Variants in SH3BP4 observed in about 807,000 individuals in gnomAD.
SH3BP4 encodes SH3 domain binding protein 4.
SH3BP4 carries 33 observed loss-of-function variants against 65.5 expected under a neutral mutation model. The observed-to-expected ratio is 0.50, with a 90% CI of 0.38 to 0.67. The LOEUF (loss-of-function observed/expected upper bound fraction) is 0.67. Ranked by LOEUF, SH3BP4 falls within the 30% of genes least tolerant of loss-of-function variation. The probability of loss-of-function intolerance (pLI) is 0.00; values close to 1 mark genes in which losing one functional copy is unlikely to be tolerated. For missense variants in SH3BP4, 1,134 were observed against 1,261.4 expected (o/e 0.90, Z 1.53); for synonymous variants, 552 against 545.5 (o/e 1.01, Z -0.17).
intron 2 of SH3BP4, chr2:234,995,767 AGCAGCC>A (rs1482466964): frequency 6.6e-6 from 1 of 152,402 alleles, no homozygotes; most frequent in African/African-American, 2.4e-5. Flanking sequence ...CCCCCACCCC[AGCAGCC>A]GCGGGACAGA....
At position 234,967,003 on chromosome 2, in the gene SH3BP4, T is replaced by C. The variant is rs1358297894; in HGVS notation, c.-207+14833T>C. 2.6e-5 allele frequency among the ~76,000 whole-genome samples: 4 copies of C among 152,204 alleles called. No homozygotes were observed. The highest frequency in any genetic ancestry group is 9.7e-5 in the African/African-American group (4 of 41,444). ...CATAACACATATATTGTGCTTATAG[T>C]AATAATAGTAATAGAATAGGGCTGC... On this transcript the variant is annotated intron_variant, in intron 1 of 5. Transcript: ENST00000392011. The surrounding 1 kb of genome is among the most constrained non-coding windows in gnomAD (Gnocchi z 4.6).
intron 1 of SH3BP4, among the ~76,000 whole-genome samples, chr2:234,979,199 TG>T (rs1693272253): frequency 6.6e-6 from 1 of 152,198 alleles, no homozygotes; most frequent in Non-Finnish European, 1.5e-5. Flanking sequence ...TGAACACTTG[TG>T]TAGCCACTAC....
Position 235,041,667 on chromosome 2 carries a change from C to T in SH3BP4, c.898C>T (p.Leu300=). Residue 300 remains leucine (L), a synonymous_variant, in exon 4 of 6, where the codon CTG becomes TTG. Coordinates refer to ENST00000392011, the MANE Select transcript of SH3BP4 (RefSeq NM_014521.3). The surrounding 1 kb of genome is among the most constrained non-coding windows in gnomAD (Gnocchi z 6.0). The stretch of plus-strand genomic sequence containing the variant: ...GAAGCTGGCCCGGTCTTGCCACGAC[C>T]TGGACTTGCTTGGCCAAAGCCCTGG... ...HRKLARSCHD[L]DLLGQSPGWG... 2 of 1,613,682 alleles carry T rather than the reference C, an allele frequency of 1.2e-6. No homozygotes were observed. The highest frequency in any genetic ancestry group is 1.7e-6 in the Non-Finnish European group (2 of 1,179,830).
In SH3BP4 at chr2:234,974,350, C is replaced by G. The variant is rs190545690; in HGVS notation, c.-206-20953C>G. Among the ~76,000 whole-genome samples, 58 of 151,716 alleles carry G rather than the reference C, an allele frequency of 3.8e-4. No homozygotes were observed. Among genetic ancestry groups the G allele is most frequent in the African/African-American group, 1.4e-3 (56 of 41,308 alleles). On this transcript the variant is annotated intron_variant, in intron 1 of 5. Transcript: ENST00000392011. This position sits in a 1 kb window ranked among gnomAD's most constrained non-coding sequence, Gnocchi z 4.6. ...ATTGCACTCCAGCCTGGGCAAAGAG[C>G]GAAACTCTGTCTAAAAAAAAATAAA...
chr2:234,981,941 GT>G (rs1199952174), intron 1 of SH3BP4, among the ~76,000 whole-genome samples: 1 of 152,128 alleles, frequency 6.6e-6, no homozygotes, highest in African/African-American at 2.4e-5. Flanking sequence ...CCATTTTCCC[GT>G]CCCCGCCTCC....
intron 2 of SH3BP4, among the ~76,000 whole-genome samples, chr2:235,015,070 A>G (rs1439208186): frequency 1.3e-5 from 2 of 152,218 alleles, no homozygotes; most frequent in Non-Finnish European, 2.9e-5. Flanking sequence ...GAATATTGCT[A>G]AACCTTCACT....
At chr2:234,962,872 C>G (rs1173369059) in intron 1 of SH3BP4, among the ~76,000 whole-genome samples, 1 of 151,922 alleles carries the variant, frequency 6.6e-6, no homozygotes, top group Non-Finnish European at 1.5e-5. Context: ...ATTACAGGCA[C>G]TTGCCTGTAA....
intron 1 of SH3BP4, among the ~76,000 whole-genome samples, chr2:234,975,309 A>G (rs951640261): frequency 7.2e-5 from 11 of 152,114 alleles, no homozygotes; most frequent in Admixed American, 5.9e-4. Flanking sequence ...TGTTCTCCCT[A>G]TCACTCGTGG....
At chr2:234,970,044 T>TACTCACACACACTCATACACAC (rs1692946590) in intron 1 of SH3BP4, among the ~76,000 whole-genome samples, 1 of 143,292 alleles carries the variant, frequency 7.0e-6, no homozygotes, top group Non-Finnish European at 1.5e-5. Flanking sequence ...CAAATACACT[T>TACTCACACACACTCATACACAC]ACTCACACAC....
At chr2:235,047,419 AAC>A (rs1180088056) in intron 4 of SH3BP4, among the ~76,000 whole-genome samples, 1 of 152,218 alleles carries the variant, frequency 6.6e-6, no homozygotes, top group Non-Finnish European at 1.5e-5. Context: ...ACTGGCCAGA[AAC>A]ACTGCGTGGT....
chr2:234,959,374 CAG>C (rs35989295), intron 1 of SH3BP4, among the ~76,000 whole-genome samples: 3 of 150,704 alleles, frequency 2.0e-5, no homozygotes, highest in African/African-American at 4.9e-5. Context: ...AAAGAGCTGG[CAG>C]AGAGAGAGAG....
At chr2:235,047,352 C>T (rs1016616747) in intron 4 of SH3BP4, among the ~76,000 whole-genome samples, 2 of 152,158 alleles carry the variant, frequency 1.3e-5, no homozygotes, top group African/African-American at 4.8e-5. Flanking sequence ...TTTCAGCCCC[C>T]TGATGCGTCA....
chr2:234,989,854 C>G (rs986124531), intron 1 of SH3BP4, among the ~76,000 whole-genome samples: 1 of 152,170 alleles, frequency 6.6e-6, no homozygotes, highest in East Asian at 1.9e-4. Context: ...TGTAGTTTGC[C>G]TCTGGGTTGG....
At chr2:235,051,331 A>G (rs1696045973) in intron 4 of SH3BP4, among the ~76,000 whole-genome samples, 1 of 152,056 alleles carries the variant, frequency 6.6e-6, no homozygotes, top group Non-Finnish European at 1.5e-5. Context: ...GTTTCTTTAA[A>G]CCAGAAGTGT....
At position 235,034,887 on chromosome 2, in the gene SH3BP4, G is replaced by A. The variant is rs111873801; in HGVS notation, c.-116G>A. 886 of 793,656 alleles carry A rather than the reference G, an allele frequency of 1.1e-3. 3 individuals are homozygous for A. In the African/African-American group the frequency reaches 0.013, roughly 12 times the overall value. 49.2% of individuals were successfully genotyped at this position (793,656 alleles called of 1,614,324 possible). A position where few individuals can be genotyped will look rare whatever the true frequency, so the allele number is the denominator to read the frequency against. On this transcript the variant is annotated 5_prime_UTR_variant, in exon 3 of 6. Coordinates refer to ENST00000392011, the MANE Select transcript of SH3BP4 (RefSeq NM_014521.3). The surrounding 1 kb of genome is among the most constrained non-coding windows in gnomAD (Gnocchi z 6.2). The stretch of plus-strand genomic sequence containing the variant: ...TACTTTCAGGAAGAAACATATTGCC[G>A]AGTGGATGCCGCCGCGCAGCGTGTT...
At chr2:235,038,367 ATATATATAC>A (rs1559254554) in intron 3 of SH3BP4, among the ~76,000 whole-genome samples, 2 of 9,304 alleles carry the variant, frequency 2.1e-4, no homozygotes, top group African/African-American at 2.0e-3. Context: ...TATATATATA[ATATATATAC>A]ATATATATAT....
intron 1 of SH3BP4, among the ~76,000 whole-genome samples, chr2:234,963,846 G>T (rs981426409): frequency 1.7e-4 from 26 of 152,196 alleles, no homozygotes; most frequent in African/African-American, 6.0e-4. Flanking sequence ...ACTGCAGTTG[G>T]ATCTGGCATC....
rs934784198 is a variant in SH3BP4, at chr2:235,052,291, C to G, written c.2479-271C>G. On this transcript the variant is annotated intron_variant, in intron 4 of 5. Transcript: ENST00000392011. This position sits in a 1 kb window ranked among gnomAD's most constrained non-coding sequence, Gnocchi z 5.0. ...TCATCTTAATTCTATCTGCAAAGAC[C>G]CCATTTTCAAGTAAGGTCACGTTCT... Among the ~76,000 whole-genome samples, 2 of 152,124 alleles carry G rather than the reference C, an allele frequency of 1.3e-5. No individual in the cohort carries two copies. The highest frequency in any genetic ancestry group is 2.9e-5 in the Non-Finnish European group (2 of 68,040).
chr2:234,988,627 G>A (rs957812654), intron 1 of SH3BP4, among the ~76,000 whole-genome samples: 5 of 152,218 alleles, frequency 3.3e-5, no homozygotes, highest in African/African-American at 4.8e-5. Flanking sequence ...GGGGGCCTCC[G>A]CCTCCTCCAC....
Sources: gnomAD v4.1 joint callset for allele counts (sites outside exome capture counted in the v4.1 genomes callset) on GRCh38, gnomAD v4.1.1 for gene constraint, Gnocchi (gnomAD v3.1) non-coding constraint, MANE v1.5 for transcripts, NCBI Gene and HGNC (gene_info 2026-07-23, HGNC 2026-07-21) for gene names.